ZBTB20: variants seen among roughly 807,000 people sequenced by gnomAD.
ZBTB20 encodes zinc finger and BTB domain-containing protein 20.
Under a neutral mutation model 56.9 loss-of-function variants are expected in ZBTB20, and 9 were observed. The observed-to-expected ratio is 0.16, with a 90% confidence interval of 0.10 to 0.28. The LOEUF is 0.28. ZBTB20 is among the 10% of genes least tolerant of loss of function. The probability of loss-of-function intolerance (pLI) is 1.00; values close to 1 mark genes in which losing one functional copy is unlikely to be tolerated. For missense variants in ZBTB20, 655 were observed against 1,003.0 expected (o/e 0.65, Z 4.69); for synonymous variants, 417 against 420.7 (o/e 0.99, Z 0.11).
intron 4 of ZBTB20, among the ~76,000 whole-genome samples, chr3:114,826,243 T>C: frequency 6.6e-6 from 1 of 151,836 alleles, no homozygotes; most frequent in Non-Finnish European, 1.5e-5. Flanking sequence ...ATATGTAATA[T>C]GTCTTCCCAA....
intron 3 of ZBTB20, among the ~76,000 whole-genome samples, chr3:114,944,815 G>T (rs1376804998): frequency 1.4e-5 from 2 of 144,574 alleles, no homozygotes; most frequent in African/African-American, 5.7e-5. Flanking sequence ...GTTACTAGAG[G>T]CTGAGTGTTG....
At chr3:114,963,023 C>G (rs1367435464) in intron 3 of ZBTB20, among the ~76,000 whole-genome samples, 1 of 151,788 alleles carries the variant, frequency 6.6e-6, no homozygotes, top group Non-Finnish European at 1.5e-5. Context: ...TTTGCTGAAG[C>G]TGGCATCACT....
intron 5 of ZBTB20, among the ~76,000 whole-genome samples, chr3:114,799,880 A>G (rs1429398126): frequency 6.6e-6 from 1 of 151,926 alleles, no homozygotes; most frequent in African/African-American, 2.4e-5. Flanking sequence ...TTCAGACCAT[A>G]GGCAGAGACA....
intron 5 of ZBTB20, among the ~76,000 whole-genome samples, chr3:114,696,422 TG>T (rs2063016166): frequency 6.6e-6 from 1 of 152,000 alleles, no homozygotes; most frequent in Non-Finnish European, 1.5e-5. Flanking sequence ...CCACCTTTTC[TG>T]GTTGTATTAA....
intron 1 of ZBTB20, among the ~76,000 whole-genome samples, chr3:115,146,393 A>C: frequency 6.9e-6 from 1 of 144,970 alleles, no homozygotes. Context: ...TGGGGGGAGG[A>C]CCCAAAAGCC....
intron 5 of ZBTB20, among the ~76,000 whole-genome samples, chr3:114,698,974 G>A (rs780323632): frequency 7.2e-5 from 11 of 152,072 alleles, no homozygotes; most frequent in Non-Finnish European, 1.3e-4. Context: ...AGAAAGGCCT[G>A]AAAAAATATA....
intron 6 of ZBTB20, among the ~76,000 whole-genome samples, chr3:114,533,028 T>A (rs1357478721): frequency 6.6e-6 from 1 of 152,082 alleles, no homozygotes; most frequent in African/African-American, 2.4e-5. Context: ...TCCACAAAGA[T>A]GAGGAAAAAC....
chr3:114,808,506 G>A (rs1316020387), intron 4 of ZBTB20, among the ~76,000 whole-genome samples: 2 of 151,774 alleles, frequency 1.3e-5, no homozygotes, highest in Non-Finnish European at 2.9e-5. Flanking sequence ...CATTTCTGTG[G>A]GGTTGGTGGT....
chr3:115,002,236 A>T (rs1043883303), intron 2 of ZBTB20, among the ~76,000 whole-genome samples: 7 of 151,648 alleles, frequency 4.6e-5, no homozygotes, highest in Admixed American at 3.3e-4. Context: ...AAAATAAATC[A>T]TAGACCTAAA....
chr3:114,388,952 G>T (rs2272278), intron 8 of ZBTB20, 53 bp downstream of exon 8: 63,735 of 151,752 alleles, frequency 0.42, 14,304 homozygotes, highest in Non-Finnish European at 0.51. Context: ...GTGTGTGTGT[G>T]TATTAAACAA....
At chr3:114,822,760 G>A (rs1370413470) in intron 4 of ZBTB20, among the ~76,000 whole-genome samples, 1 of 152,038 alleles carries the variant, frequency 6.6e-6, no homozygotes, top group East Asian at 1.9e-4. Flanking sequence ...TACATAGTAA[G>A]CATTTACTAA....
chr3:114,886,323 T>C (rs1022658557), intron 4 of ZBTB20, among the ~76,000 whole-genome samples: 2 of 152,220 alleles, frequency 1.3e-5, no homozygotes, highest in African/African-American at 4.8e-5. Context: ...ATTTAATGGA[T>C]GTGTATTTGT....
At chr3:114,832,313 C>A (rs959630127) in intron 4 of ZBTB20, among the ~76,000 whole-genome samples, 6 of 152,034 alleles carry the variant, frequency 3.9e-5, no homozygotes, top group African/African-American at 7.2e-5. Context: ...GTTGGACTAC[C>A]TTTTACCTAC....
intron 4 of ZBTB20, among the ~76,000 whole-genome samples, chr3:114,851,418 T>G (rs1034346249): frequency 3.9e-5 from 6 of 152,268 alleles, no homozygotes; most frequent in Admixed American, 3.9e-4. Flanking sequence ...TAATTTATAT[T>G]TACTTAAAAT....
At chr3:114,687,232 C>A (rs1578343024) in intron 6 of ZBTB20, 1 of 143,622 alleles carries the variant, frequency 7.0e-6, no homozygotes. Flanking sequence ...TTTCTGGAGA[C>A]CAAGTTTTTG....
intron 7 of ZBTB20, among the ~76,000 whole-genome samples, chr3:114,499,759 A>G (rs2043731077): frequency 6.6e-6 from 1 of 151,420 alleles, no homozygotes; most frequent in African/African-American, 2.4e-5. Flanking sequence ...ATACCTTTCC[A>G]TCTTTTCTAA....
intron 2 of ZBTB20, among the ~76,000 whole-genome samples, chr3:115,046,812 A>C (rs1421610547): frequency 6.6e-6 from 1 of 152,180 alleles, no homozygotes; most frequent in Non-Finnish European, 1.5e-5. Context: ...ATCACAGCTC[A>C]GGAAATAATT....
intron 7 of ZBTB20, among the ~76,000 whole-genome samples, chr3:114,408,975 C>T (rs1381360474): frequency 1.3e-5 from 2 of 151,972 alleles, no homozygotes; most frequent in Non-Finnish European, 2.9e-5. Context: ...TTAAGGTCCT[C>T]GCCTTCATAC....
chr3:114,373,286 G>T (rs1217774515), intron 10 of ZBTB20, among the ~76,000 whole-genome samples: 2 of 152,160 alleles, frequency 1.3e-5, no homozygotes, highest in South Asian at 4.1e-4. Flanking sequence ...AAAATAAGTA[G>T]ATGTCTTGCT....
Sources: gnomAD v4.1 joint callset for allele counts (sites outside exome capture counted in the v4.1 genomes callset) on GRCh38, gnomAD v4.1.1 for gene constraint, MANE v1.5 for transcripts, NCBI Gene and HGNC (gene_info 2026-07-23, HGNC 2026-07-21) for gene names.